PLA2G6: variants seen among roughly 807,000 people sequenced by gnomAD.
PLA2G6 encodes 85/88 kDa calcium-independent phospholipase A2.
PLA2G6 carries 62 observed loss-of-function variants against 83.8 expected under a neutral mutation model. The observed-to-expected ratio is 0.74, with a 90% CI of 0.60 to 0.91. The LOEUF (loss-of-function observed/expected upper bound fraction) is 0.91. Ranked by LOEUF, PLA2G6 falls within the 40% of genes least tolerant of loss-of-function variation. PLA2G6 has a pLI of 0.00. For missense variants in PLA2G6, 944 were observed against 1,102.0 expected, an observed-to-expected ratio of 0.86 and a Z score of 2.03; for synonymous variants, 417 against 449.8, an observed-to-expected ratio of 0.93 and a Z score of 0.92.
intron 2 of PLA2G6, among the ~76,000 whole-genome samples, chr22:38,164,778 AGG>A (rs1448553669): frequency 2.6e-5 from 4 of 152,204 alleles, no homozygotes; most frequent in African/African-American, 9.7e-5. Flanking sequence ...GACAGTCCAG[AGG>A]CCTCTAGGGC....
chr22:38,158,091 C>G (rs1262322447), intron 2 of PLA2G6, among the ~76,000 whole-genome samples: 1 of 151,638 alleles, frequency 6.6e-6, no homozygotes, highest in African/African-American at 2.4e-5. Context: ...CTGTCATGGC[C>G]AGAAGTGGAA....
intron 10 of PLA2G6, 176 bp downstream of exon 10, chr22:38,126,195 G>A (rs769759444): frequency 4.7e-5 from 32 of 682,908 alleles, no homozygotes; most frequent in South Asian, 3.3e-4. Context: ...ATTAATGAAC[G>A]AGCGACACAG....
intron 1 of PLA2G6, among the ~76,000 whole-genome samples, chr22:38,177,348 AG>A (rs2090675162): frequency 6.6e-6 from 1 of 151,994 alleles, no homozygotes. Context: ...CTCTTTCCTA[AG>A]TTAGTGGGAA....
chr22:38,135,112 A>G, intron 5 of PLA2G6, 28 bp from the exon 6 acceptor site: 1 of 1,516,594 alleles, frequency 6.6e-7, no homozygotes, highest in Non-Finnish European at 9.2e-7. Context: ...CCGGTTGGTG[A>G]GCAGAAGCTA....
intron 2 of PLA2G6, among the ~76,000 whole-genome samples, chr22:38,158,632 T>A (rs2089889044): frequency 6.6e-6 from 1 of 152,218 alleles, no homozygotes; most frequent in Admixed American, 6.5e-5. Context: ...ATAGTCTAAA[T>A]CTCTTCAGGT....
At chr22:38,113,900 C>A (rs879756049) in intron 14 of PLA2G6, 51 of 621,492 alleles carry the variant, frequency 8.2e-5, no homozygotes, top group Non-Finnish European at 1.4e-4. Flanking sequence ...CAGGACCACA[C>A]ATACACCAGC....
intron 12 of PLA2G6, among the ~76,000 whole-genome samples, chr22:38,117,131 GA>G (rs1569245732): frequency 6.6e-6 from 1 of 151,670 alleles, no homozygotes; most frequent in Admixed American, 6.6e-5. Flanking sequence ...ACTCTTCCAA[GA>G]AAAATAAAAA....
chr22:38,132,097 A>G lies in PLA2G6; in HGVS notation c.1077+734T>C, dbSNP rs1471165088. On this transcript the variant is annotated intron_variant, in intron 7 of 16. Transcript: ENST00000332509. This position sits in a 1 kb window ranked among gnomAD's most constrained non-coding sequence, Gnocchi z 5.0. ...GCCACTGCACTCCAGCCTGGGCGAC[A>G]GTGCGAGACTCCATCTCGAAAAAAA... 3 of 455,024 alleles carry G rather than the reference A, an allele frequency of 6.6e-6. No individual in the cohort carries two copies. The highest frequency in any genetic ancestry group is 2.4e-5 in the Admixed American group (1 of 42,404). The allele number at this position is 455,024 out of a possible 1,614,324, so 28.2% of individuals were successfully genotyped here.
Position 38,159,725 on chromosome 22 carries a change from AAAGGAAGG to A in PLA2G6, c.209+9485_209+9492del, listed in dbSNP as rs56181861. Among the ~76,000 whole-genome samples the A allele has an allele frequency of 4.6e-4, 66 of 143,204 alleles. 1 individual carries two copies. The highest frequency in any genetic ancestry group is 1.0e-3 in the Admixed American group (15 of 14,310). 93.9% of individuals were successfully genotyped at this position (143,204 alleles called of 152,430 possible). A position where few individuals can be genotyped will look rare whatever the true frequency, so the allele number is the denominator to read the frequency against. On this transcript the variant is annotated intron_variant, in intron 2 of 16. Coordinates refer to ENST00000332509, the MANE Select transcript of PLA2G6 (RefSeq NM_003560.4). ...GGCCTGGGTGAGAGAGAGATAGATG[AAAGGAAGG>A]AAGGAAGGAAGGAAGGAAGGAAGGA... is the stretch of plus-strand genomic sequence containing the variant.
At chr22:38,159,491 G>T (rs1481455595) in intron 2 of PLA2G6, among the ~76,000 whole-genome samples, 1 of 152,176 alleles carries the variant, frequency 6.6e-6, no homozygotes, top group Non-Finnish European at 1.5e-5. Flanking sequence ...CACTTTGGGA[G>T]GCTGAGGTGG....
At chr22:38,159,262 C>T (rs941246974) in intron 2 of PLA2G6, among the ~76,000 whole-genome samples, 1 of 152,118 alleles carries the variant, frequency 6.6e-6, no homozygotes, top group Non-Finnish European at 1.5e-5. Flanking sequence ...AATTTGACAA[C>T]TTCGATAAAA....
intron 1 of PLA2G6, among the ~76,000 whole-genome samples, chr22:38,173,803 A>G (rs972375382): frequency 6.6e-6 from 1 of 152,190 alleles, no homozygotes; most frequent in African/African-American, 2.4e-5. Context: ...TAATTCCAGC[A>G]TTTTGGGAGG....
At chr22:38,138,720 A>C (rs2088702923) in intron 5 of PLA2G6, 1 of 152,130 alleles carries the variant, frequency 6.6e-6, no homozygotes, top group Admixed American at 6.5e-5. Context: ...CCCTGGCTGG[A>C]GTGCTGTGGC....
At chr22:38,145,187 A>G in intron 3 of PLA2G6, 1 of 520,520 alleles carries the variant, frequency 1.9e-6, no homozygotes, top group Non-Finnish European at 3.5e-6. Context: ...GAGTATAGAC[A>G]CATGCTAATT....
chr22:38,147,149 G>C (rs1477479700), intron 2 of PLA2G6: 1 of 152,156 alleles, frequency 6.6e-6, no homozygotes, highest in Non-Finnish European at 1.5e-5. Flanking sequence ...GTGATCTTGG[G>C]AAATCCTTTT....
chr22:38,169,513 C>T, intron 1 of PLA2G6, 42 bp from the exon 2 acceptor site: 1 of 1,111,860 alleles, frequency 9.0e-7, no homozygotes, highest in East Asian at 2.5e-5. Flanking sequence ...GCACAGTCTC[C>T]CATGCCCATC....
chr22:38,116,851 C>CAAAAAAAAAAAAAAAAAA (rs57712042), intron 12 of PLA2G6, among the ~76,000 whole-genome samples: 6 of 37,658 alleles, frequency 1.6e-4, no homozygotes, highest in African/African-American at 2.6e-4. Flanking sequence ...AACTCCGTCT[C>CAAAAAAAAAAAAAAAAAA]AAAAAAAAAA....
intron 4 of PLA2G6, chr22:38,141,291 G>A (rs1161822702): frequency 6.6e-6 from 1 of 152,316 alleles, no homozygotes; most frequent in African/African-American, 2.4e-5. Context: ...AGGAGGTTGA[G>A]GCTGCAGTGA....
chr22:38,180,441 T>A (rs1347865251), intron 1 of PLA2G6: 1 of 152,194 alleles, frequency 6.6e-6, no homozygotes, highest in African/African-American at 2.4e-5. Flanking sequence ...AGAATATCAT[T>A]GGCCACACCA....
Sources: allele counts gnomAD v4.1 joint callset (sites outside exome capture counted in the v4.1 genomes callset), GRCh38; gene constraint gnomAD v4.1.1; non-coding constraint Gnocchi (gnomAD v3.1); transcripts MANE v1.5; gene names NCBI Gene and HGNC (gene_info 2026-07-23, HGNC 2026-07-21).